The following NFATC3 variants were observed in gnomAD, a reference collection of about 807,000 sequenced individuals.
The protein encoded by NFATC3 is nuclear factor of activated T-cells, cytoplasmic 3.
Under a neutral mutation model 98.6 loss-of-function variants are expected in NFATC3, and 46 were observed. The ratio of observed to expected loss-of-function variants is 0.47; its 90% CI spans 0.37 to 0.60. The LOEUF is 0.60. Among genes scored for constraint, NFATC3 ranks in the 20% least tolerant of loss-of-function variants. NFATC3 has a pLI of 0.00. For synonymous variants in NFATC3, 512 were observed against 472.2 expected, an observed-to-expected ratio of 1.08 and a Z score of -1.09; for missense variants, 1,256 against 1,295.5, an observed-to-expected ratio of 0.97 and a Z score of 0.47.
At chr16:68,155,735 C>T (rs1036689014) in intron 3 of NFATC3, among the ~76,000 whole-genome samples, 1 of 152,082 alleles carries the variant, frequency 6.6e-6, no homozygotes, top group Non-Finnish European at 1.5e-5. Context: ...ATAGCATGCC[C>T]CTTTCTGTAG....
At position 68,102,665 on chromosome 16, in the gene NFATC3, G is replaced by A. The variant is rs556820517; in HGVS notation, c.103+16881G>A. On this transcript the variant is annotated intron_variant, in intron 1 of 9. Coordinates refer to ENST00000346183, the MANE Select transcript of NFATC3 (RefSeq NM_173165.3). ...ATCTCAGGAGACCATTTTCACATACGTGGTCTGTCATTGACCAAAACATCA... is the reference window on the plus strand; with the variant it reads ...ATCTCAGGAGACCATTTTCACATACATGGTCTGTCATTGACCAAAACATCA... Among the ~76,000 whole-genome samples the A allele has an allele frequency of 5.3e-4, 80 of 152,086 alleles. 4 individuals carry two copies. The South Asian group carries it at 0.015, about 29-fold the overall frequency.
chr16:68,110,395 G>A (rs749605462), intron 1 of NFATC3, among the ~76,000 whole-genome samples: 7 of 149,160 alleles, frequency 4.7e-5, no homozygotes, highest in Non-Finnish European at 7.4e-5. Context: ...TGTAAGCTCC[G>A]CCTCCCGGGT....
At chr16:68,172,954 A>G (rs2039530903) in intron 5 of NFATC3, among the ~76,000 whole-genome samples, 1 of 152,170 alleles carries the variant, frequency 6.6e-6, no homozygotes, top group South Asian at 2.1e-4. Flanking sequence ...AGCACTGTTT[A>G]TAGAAGTTGA....
At chr16:68,169,668 C>T (rs112094215) in intron 5 of NFATC3, among the ~76,000 whole-genome samples, 1 of 152,012 alleles carries the variant, frequency 6.6e-6, no homozygotes, top group South Asian at 2.1e-4. Context: ...TGGCCAGGCG[C>T]CGTGGCTCAT....
chr16:68,193,310 T>C (rs1189658956), intron 9 of NFATC3, among the ~76,000 whole-genome samples: 1 of 152,132 alleles, frequency 6.6e-6, no homozygotes, highest in Non-Finnish European at 1.5e-5. Context: ...CTCAGTGTAC[T>C]CAGGGGATTG....
intron 1 of NFATC3, among the ~76,000 whole-genome samples, chr16:68,111,240 T>C (rs2035930690): frequency 6.6e-6 from 1 of 152,214 alleles, no homozygotes; most frequent in South Asian, 2.1e-4. Flanking sequence ...TCTCCCACTA[T>C]TGTTGTGTGG....
intron 3 of NFATC3, among the ~76,000 whole-genome samples, chr16:68,144,893 G>A (rs992777073): frequency 1.3e-5 from 2 of 151,918 alleles, no homozygotes; most frequent in African/African-American, 4.8e-5. Context: ...CTTGACCTCA[G>A]GTGATCCACT....
intron 4 of NFATC3, among the ~76,000 whole-genome samples, chr16:68,166,629 C>A (rs1447717488): frequency 6.6e-6 from 1 of 152,220 alleles, no homozygotes; most frequent in Non-Finnish European, 1.5e-5. Context: ...ATTAACTTTG[C>A]AGACAATCTG....
intron 1 of NFATC3, among the ~76,000 whole-genome samples, chr16:68,118,329 C>T (rs1194833476): frequency 6.6e-5 from 10 of 152,146 alleles, no homozygotes; most frequent in Non-Finnish European, 1.3e-4. Context: ...GTCAGTCTCT[C>T]CTGAGACTGA....
chr16:68,169,378 C>T (rs2039356673), intron 5 of NFATC3, among the ~76,000 whole-genome samples: 3 of 152,152 alleles, frequency 2.0e-5, no homozygotes, highest in Non-Finnish European at 2.9e-5. Flanking sequence ...AAGCAATCCT[C>T]CCACCTCAGC....
rs2036619868 is a variant in NFATC3, at chr16:68,122,460, G to A, written c.577G>A (p.Asp193Asn). 6.2e-7 allele frequency: 1 copy of A among 1,614,092 alleles called. No individual in the cohort carries two copies. The highest frequency in any genetic ancestry group is 8.5e-7 in the Non-Finnish European group (1 of 1,180,030). The change falls in exon 2 of 10, where the codon GAC (aspartate) becomes AAC (asparagine). Residue 193 changes from aspartate to asparagine, a missense_variant. Coordinates refer to ENST00000346183, the MANE Select transcript of NFATC3 (RefSeq NM_173165.3). ...GCTTTCACATATTTATGATGATGTG[G>A]ACTCAGAGTTGAATGAAGCTGCAGC... ...ESLSHIYDDV[D>N]SELNEAAARF... is the part of the protein sequence containing the mutation.
chr16:68,141,426 C>G (rs2037747444), intron 3 of NFATC3, among the ~76,000 whole-genome samples: 3 of 152,196 alleles, frequency 2.0e-5, no homozygotes, highest in Admixed American at 6.5e-5. Context: ...ACATTCCCAT[C>G]AGCAGTGGAC....
At chr16:68,159,435 T>G (rs916773160) in intron 4 of NFATC3, among the ~76,000 whole-genome samples, 1 of 151,036 alleles carries the variant, frequency 6.6e-6, no homozygotes, top group Non-Finnish European at 1.5e-5. Context: ...TTTTATTTAT[T>G]TTTTTCAAGA....
chr16:68,091,154 T>C (rs1437679591), intron 1 of NFATC3, among the ~76,000 whole-genome samples: 1 of 152,244 alleles, frequency 6.6e-6, no homozygotes, highest in Non-Finnish European at 1.5e-5. Flanking sequence ...TACTTTGGCA[T>C]ATATTCTTAA....
Position 68,126,432 on chromosome 16 carries a change from T to G in NFATC3, c.1239-16T>G. 1 of 1,599,646 alleles carries G rather than the reference T, an allele frequency of 6.3e-7. No individual in the cohort carries two copies. The highest frequency in any genetic ancestry group is 8.5e-7 in the Non-Finnish European group (1 of 1,169,932). The stretch of plus-strand genomic sequence containing the variant: ...AATAGCATGGTGACATGCATCTTTG[T>G]GTGTTTTGTTTGTAGCACATCTTCA... On this transcript the variant is annotated splice_polypyrimidine_tract_variant and intron_variant, in intron 2 of 9. Coordinates refer to ENST00000346183, the MANE Select transcript of NFATC3 (RefSeq NM_173165.3).
At chr16:68,158,620 G>T (rs2038731915) in intron 4 of NFATC3, among the ~76,000 whole-genome samples, 1 of 152,138 alleles carries the variant, frequency 6.6e-6, no homozygotes, top group African/African-American at 2.4e-5. Context: ...ATATTTTAGG[G>T]CTAGCACAGT....
chr16:68,109,639 G>A (rs553283191), intron 1 of NFATC3, among the ~76,000 whole-genome samples: 7 of 152,082 alleles, frequency 4.6e-5, no homozygotes, highest in South Asian at 2.1e-4. Flanking sequence ...GAATAGTTTC[G>A]GAAGAAATGG....
At chr16:68,145,091 C>T (rs1169065696) in intron 3 of NFATC3, among the ~76,000 whole-genome samples, 1 of 152,058 alleles carries the variant, frequency 6.6e-6, no homozygotes, top group Non-Finnish European at 1.5e-5. Context: ...CAAGCTTGAC[C>T]CACTATGCCT....
intron 1 of NFATC3, among the ~76,000 whole-genome samples, chr16:68,119,867 A>G (rs2036479954): frequency 6.6e-6 from 1 of 152,168 alleles, no homozygotes; most frequent in Non-Finnish European, 1.5e-5. Flanking sequence ...GTAGTTGCTA[A>G]AAAATTTTTT....
Sources: allele counts gnomAD v4.1 joint callset (sites outside exome capture counted in the v4.1 genomes callset), GRCh38; gene constraint gnomAD v4.1.1; transcripts MANE v1.5; gene names NCBI Gene and HGNC (gene_info 2026-07-23, HGNC 2026-07-21).